Variants in TRPM3 observed in about 807,000 individuals in gnomAD.
The protein encoded by TRPM3 is long transient receptor potential channel 3.
TRPM3 carries 77 observed loss-of-function variants against 181.2 expected under a neutral mutation model. The observed-to-expected ratio is 0.42, with a 90% confidence interval of 0.35 to 0.51. The LOEUF (loss-of-function observed/expected upper bound fraction) is 0.51, where lower values mean the gene tolerates loss of function less well. Among genes scored for constraint, TRPM3 ranks in the 20% least tolerant of loss-of-function variants. The probability of loss-of-function intolerance (pLI) is 0.01; values close to 1 mark genes in which losing one functional copy is unlikely to be tolerated. For missense variants in TRPM3, 1,759 were observed against 2,196.7 expected (o/e 0.80, Z 3.98); for synonymous variants, 745 against 796.4 (o/e 0.94, Z 1.09).
chr9:70,575,688 T>A (rs1305111982), intron 22 of TRPM3, among the ~76,000 whole-genome samples: 1 of 152,230 alleles, frequency 6.6e-6, no homozygotes, highest in Non-Finnish European at 1.5e-5. Context: ...AAGGACAACC[T>A]CCTTTCTGTC....
chr9:71,195,908 T>C (rs1278113379), intron 1 of TRPM3, among the ~76,000 whole-genome samples: 1 of 151,904 alleles, frequency 6.6e-6, no homozygotes, highest in Non-Finnish European at 1.5e-5. Flanking sequence ...GCTAAATTAT[T>C]AGAACACATG....
intron 1 of TRPM3, among the ~76,000 whole-genome samples, chr9:71,150,531 T>C (rs1321131563): frequency 6.6e-6 from 1 of 152,118 alleles, no homozygotes; most frequent in African/African-American, 2.4e-5. Flanking sequence ...AATTTGAAAA[T>C]TTGAAATTAC....
chr9:70,966,967 T>C (rs886937475), intron 1 of TRPM3, among the ~76,000 whole-genome samples: 1 of 152,058 alleles, frequency 6.6e-6, no homozygotes, highest in Non-Finnish European at 1.5e-5. Flanking sequence ...ATATACTTAA[T>C]ATATAAATGA....
At chr9:70,779,086 G>T (rs1434141957) in intron 7 of TRPM3, among the ~76,000 whole-genome samples, 1 of 151,968 alleles carries the variant, frequency 6.6e-6, no homozygotes, top group Non-Finnish European at 1.5e-5. Flanking sequence ...GTAATGTAGG[G>T]ACCCTTATTA....
intron 1 of TRPM3, among the ~76,000 whole-genome samples, chr9:71,331,937 AGG>A (rs1210465524): frequency 1.6e-5 from 1 of 63,032 alleles, no homozygotes; most frequent in Non-Finnish European, 3.4e-5. Flanking sequence ...AAGAAGGTGA[AGG>A]AGAAGAAGAG....
intron 1 of TRPM3, among the ~76,000 whole-genome samples, chr9:71,109,808 T>C (rs1321099458): frequency 6.6e-6 from 1 of 152,190 alleles, no homozygotes; most frequent in African/African-American, 2.4e-5. Context: ...TGGCTTAACC[T>C]ATTTGGGCCA....
chr9:70,550,217 G>A (rs1437155460), intron 24 of TRPM3, among the ~76,000 whole-genome samples: 1 of 152,182 alleles, frequency 6.6e-6, no homozygotes, highest in African/African-American at 2.4e-5. Flanking sequence ...GAGGAGTGGT[G>A]TCTTGGGAAG....
rs1588001938 is a variant in TRPM3, at chr9:70,537,235, A to G, written c.3878T>C (p.Ile1293Thr). ...GCAGTCTGACGAGGTCCTCGAGCGG[A>G]TTTTGTTGGACTCGGCCCGCTCCAG... is the stretch of plus-strand genomic sequence containing the variant. ...TGLERAESNK[I>T]RSRTSSDCTD... Residue 1293 changes from isoleucine to threonine, a missense_variant, in exon 26 of 26, where the codon ATC (isoleucine) becomes ACC (threonine). By Grantham distance (89) the Ile-to-Thr change is moderately conservative. Coordinates refer to ENST00000677713, the MANE Select transcript of TRPM3 (RefSeq NM_001366145.2). 6.3e-7 allele frequency: 1 copy of G among 1,597,272 alleles called. No individual in the cohort carries two copies. Among genetic ancestry groups the G allele is most frequent in the Non-Finnish European group, 8.6e-7 (1 of 1,167,560 alleles).
chr9:71,031,343 G>A (rs1245373777), intron 1 of TRPM3, among the ~76,000 whole-genome samples: 1 of 152,168 alleles, frequency 6.6e-6, no homozygotes, highest in African/African-American at 2.4e-5. Context: ...ATTATGGTTA[G>A]CCTCATTTGA....
chr9:71,161,459 T>C (rs2076268626), intron 1 of TRPM3, among the ~76,000 whole-genome samples: 1 of 152,116 alleles, frequency 6.6e-6, no homozygotes, highest in South Asian at 2.1e-4. Context: ...TATTAAGGGG[T>C]CCAGAACTCC....
intron 1 of TRPM3, chr9:71,446,640 C>G: frequency 6.5e-7 from 1 of 1,549,130 alleles, no homozygotes; most frequent in Non-Finnish European, 8.7e-7. Flanking sequence ...GGGGCTCTCC[C>G]CCGGCCACTC....
intron 1 of TRPM3, among the ~76,000 whole-genome samples, chr9:71,051,694 A>G (rs1213333577): frequency 1.3e-5 from 2 of 152,184 alleles, no homozygotes; most frequent in Non-Finnish European, 2.9e-5. Flanking sequence ...ATATCACCAT[A>G]GAGTACTGCA....
intron 9 of TRPM3, among the ~76,000 whole-genome samples, chr9:70,664,462 T>G (rs1041764350): frequency 4.6e-5 from 7 of 152,106 alleles, no homozygotes; most frequent in Admixed American, 3.3e-4. Context: ...GGATGTAAAT[T>G]TATTGCAGTG....
At chr9:71,150,544 A>G (rs2075678397) in intron 1 of TRPM3, among the ~76,000 whole-genome samples, 1 of 152,156 alleles carries the variant, frequency 6.6e-6, no homozygotes, top group African/African-American at 2.4e-5. Context: ...GAAATTACAG[A>G]TACCTCCAAT....
intron 6 of TRPM3, among the ~76,000 whole-genome samples, chr9:70,790,340 T>C (rs2085069240): frequency 6.6e-6 from 1 of 152,162 alleles, no homozygotes; most frequent in Admixed American, 6.6e-5. Context: ...ATTTGCACTT[T>C]AAGTGAGAGA....
intron 1 of TRPM3, among the ~76,000 whole-genome samples, chr9:71,077,351 C>T (rs1481202066): frequency 3.3e-5 from 5 of 152,158 alleles, no homozygotes; most frequent in Non-Finnish European, 1.5e-5. Context: ...TAGGGACAAA[C>T]GTTATTACCT....
At chr9:71,041,111 A>T (rs1344536869) in intron 1 of TRPM3, among the ~76,000 whole-genome samples, 1 of 152,190 alleles carries the variant, frequency 6.6e-6, no homozygotes, top group Non-Finnish European at 1.5e-5. Context: ...TAGGAAAGAG[A>T]ATATCCTTGC....
intron 1 of TRPM3, among the ~76,000 whole-genome samples, chr9:71,172,543 A>G (rs1483985408): frequency 6.6e-6 from 1 of 152,044 alleles, no homozygotes; most frequent in Non-Finnish European, 1.5e-5. Context: ...AGTAACTGGC[A>G]CCACAAGCGA....
intron 1 of TRPM3, among the ~76,000 whole-genome samples, chr9:71,211,321 A>G (rs1249614556): frequency 6.7e-6 from 1 of 149,586 alleles, no homozygotes; most frequent in African/African-American, 2.5e-5. Context: ...TTTGAAATTC[A>G]TTCTTTCTTT....
Sources: gnomAD v4.1 joint callset for allele counts (sites outside exome capture counted in the v4.1 genomes callset) on GRCh38, gnomAD v4.1.1 for gene constraint, MANE v1.5 for transcripts, NCBI Gene and HGNC (gene_info 2026-07-23, HGNC 2026-07-21) for gene names.